HDAC4: variants seen among roughly 807,000 people sequenced by gnomAD.
HDAC4 encodes histone deacetylase 4.
HDAC4 carries 16 observed loss-of-function variants against 135.1 expected under a neutral mutation model. That is an observed-to-expected ratio of 0.12 (90% confidence interval 0.08 to 0.18). The LOEUF is 0.18. Ranked by LOEUF, HDAC4 falls within the 10% of genes least tolerant of loss-of-function variation. HDAC4 has a pLI of 1.00. For missense variants in HDAC4, 1,143 were observed against 1,511.8 expected, an observed-to-expected ratio of 0.76 and a Z score of 4.05; for synonymous variants, 685 against 653.4, an observed-to-expected ratio of 1.05 and a Z score of -0.74.
chr2:239,326,373 A>G (rs1285670819), intron 2 of HDAC4, among the ~76,000 whole-genome samples: 3 of 152,232 alleles, frequency 2.0e-5, no homozygotes, highest in Non-Finnish European at 2.9e-5. Context: ...GGAGGGAAAC[A>G]GGATTGTTTA....
rs146592532 is a variant in HDAC4, at chr2:239,116,746, C to T, written c.1534-1436G>A. On this transcript the variant is annotated intron_variant, in intron 12 of 26. Transcript: ENST00000543185. ...TGGCCATGTTGCCCCTGCAGCCTCCCTGCCACCCTGCTCCCGACCACGCCG... is the reference window on the plus strand; with the variant it reads ...TGGCCATGTTGCCCCTGCAGCCTCCTTGCCACCCTGCTCCCGACCACGCCG... Among the ~76,000 whole-genome samples the T allele has an allele frequency of 1.7e-3, 254 of 152,348 alleles. 1 individual carries two copies. Among genetic ancestry groups the T allele is most frequent in the African/African-American group, 6.0e-3 (249 of 41,590 alleles).
chr2:239,348,189 C>T (rs899467192), intron 2 of HDAC4, among the ~76,000 whole-genome samples: 20 of 150,154 alleles, frequency 1.3e-4, no homozygotes, highest in Admixed American at 1.3e-3. Context: ...GAGCACCATC[C>T]CGCTGACCAC....
At chr2:239,392,330 G>A (rs1696281440) in intron 1 of HDAC4, among the ~76,000 whole-genome samples, 1 of 152,402 alleles carries the variant, frequency 6.6e-6, no homozygotes, top group East Asian at 1.9e-4. Context: ...GGAGAGCCAA[G>A]GGGCGGATTC....
chr2:239,200,059 C>T (rs568945247), intron 3 of HDAC4, among the ~76,000 whole-genome samples: 1 of 152,328 alleles, frequency 6.6e-6, no homozygotes, highest in African/African-American at 2.4e-5. Flanking sequence ...CATTTCTTGA[C>T]CCCTGTGTGG....
rs551992023 is a variant in HDAC4 at position 239,176,214 on chromosome 2, G to A, written c.490+199C>T. 0.01 allele frequency among the ~76,000 whole-genome samples: 1,287 copies of A among 122,906 alleles called. 33 individuals carry two copies. The highest frequency in any genetic ancestry group is 0.04 in the African/African-American group (1,227 of 30,810). The allele number at this position is 122,906 out of a possible 152,430, so 80.6% of individuals were successfully genotyped here. A position where few individuals can be genotyped will look rare whatever the true frequency, so the allele number is the denominator to read the frequency against. ...TCCCTCCCTCTGCCCGGCCTTCTGC[G>A]CCCGCACTCCCTCCCTCTGCCCAGC... On this transcript the variant is annotated intron_variant, in intron 5 of 26. Coordinates refer to ENST00000543185, the MANE Select transcript of HDAC4 (RefSeq NM_001378414.1).
intron 3 of HDAC4, 30 bp downstream of exon 3, chr2:239,236,563 G>C: frequency 6.5e-7 from 1 of 1,539,102 alleles, no homozygotes; most frequent in African/African-American, 1.4e-5. Flanking sequence ...CGCAGGGCCG[G>C]CCGGACAGGG....
chr2:239,296,665 C>A (rs781571237), intron 2 of HDAC4, among the ~76,000 whole-genome samples: 2 of 152,024 alleles, frequency 1.3e-5, no homozygotes, highest in Non-Finnish European at 2.9e-5. Flanking sequence ...AATAACAAAC[C>A]GAGGCAGCAC....
chr2:239,284,144 G>A (rs546356286), intron 2 of HDAC4, among the ~76,000 whole-genome samples: 8 of 152,342 alleles, frequency 5.3e-5, no homozygotes, highest in South Asian at 4.1e-4. Flanking sequence ...ATCACAGGCC[G>A]CAGACACACT....
intron 5 of HDAC4, among the ~76,000 whole-genome samples, chr2:239,174,947 T>C (rs2043663089): frequency 6.6e-6 from 1 of 152,220 alleles, no homozygotes; most frequent in South Asian, 2.1e-4. Flanking sequence ...TAATCTTCCA[T>C]GTTAAACATC....
intron 9 of HDAC4, 92 bp from the exon 10 acceptor site, chr2:239,134,735 C>G: frequency 1.1e-6 from 1 of 909,414 alleles, no homozygotes; most frequent in East Asian, 2.4e-5. Flanking sequence ...AACACCTGCA[C>G]TGAATTCTGA....
At chr2:239,227,325 C>T (rs964240581) in intron 3 of HDAC4, among the ~76,000 whole-genome samples, 1 of 152,150 alleles carries the variant, frequency 6.6e-6, no homozygotes, top group Non-Finnish European at 1.5e-5. Flanking sequence ...GCCAGCTACA[C>T]GTGAGGTGTC....
chr2:239,271,272 C>T (rs1324076214), intron 2 of HDAC4, among the ~76,000 whole-genome samples: 2 of 152,076 alleles, frequency 1.3e-5, no homozygotes, highest in African/African-American at 4.8e-5. Flanking sequence ...TGCCACCATG[C>T]CTGGCTAATT....
intron 13 of HDAC4, among the ~76,000 whole-genome samples, chr2:239,114,090 C>G (rs1244223051): frequency 6.6e-6 from 1 of 152,198 alleles, no homozygotes; most frequent in South Asian, 2.1e-4. Flanking sequence ...CACACTGATT[C>G]ATTCAGTGGC....
At chr2:239,190,286 G>A (rs911887240) in intron 3 of HDAC4, among the ~76,000 whole-genome samples, 4 of 152,062 alleles carry the variant, frequency 2.6e-5, no homozygotes, top group African/African-American at 9.6e-5. Flanking sequence ...CATTCCTCAA[G>A]GGCAAAAACC....
intron 2 of HDAC4, among the ~76,000 whole-genome samples, chr2:239,272,395 A>G (rs946511386): frequency 6.6e-6 from 1 of 152,264 alleles, no homozygotes; most frequent in Non-Finnish European, 1.5e-5. Flanking sequence ...ATGGAAAAGA[A>G]TATTTGCAAA....
At position 239,352,999 on chromosome 2, in the gene HDAC4, T is replaced by C. The variant is rs1029989750; in HGVS notation, c.-219-81A>G. ...GGAAAACAACATCCAACTAGGGAAATGATGACTTCCTCTTTTTTTTTGGAG... is the reference window on the plus strand; with the variant it reads ...GGAAAACAACATCCAACTAGGGAAACGATGACTTCCTCTTTTTTTTTGGAG... On this transcript the variant is annotated intron_variant, in intron 1 of 26. Transcript: ENST00000543185. The surrounding 1 kb of genome is among the most constrained non-coding windows in gnomAD (Gnocchi z 4.4). 1.2e-4 allele frequency: 51 copies of C among 427,594 alleles called. No homozygotes were observed. The highest frequency in any genetic ancestry group is 9.6e-4 in the African/African-American group (48 of 49,936). The allele number at this position is 427,594 out of a possible 1,614,324, so 26.5% of individuals were successfully genotyped here.
rs374615882 is a variant in HDAC4 at position 239,189,845 on chromosome 2, G to A, written c.327C>T (p.His109=). ...QLSRQHEAQL[H]EHIKQQQEML... is the part of the protein sequence containing the mutation. Reference sequence around the variant, plus strand: ...CACCGCGCCTCACCTTGATGTGCTCGTGGAGCTGCGCCTCGTGCTGCCGGG... The same window carrying A: ...CACCGCGCCTCACCTTGATGTGCTCATGGAGCTGCGCCTCGTGCTGCCGGG... The change falls in exon 4 of 27, where the codon CAC becomes CAT. Residue 109 remains histidine (H), a synonymous_variant. Transcript: ENST00000543185. 2.3e-5 allele frequency: 37 copies of A among 1,607,346 alleles called. No homozygotes were observed. Among genetic ancestry groups the A allele is most frequent in the South Asian group, 1.3e-4 (12 of 90,914 alleles).
rs79918802 is a variant in HDAC4, at chr2:239,276,993, T to C, written c.23-40329A>G. Among the ~76,000 whole-genome samples, 12 of 152,268 alleles carry C rather than the reference T, an allele frequency of 7.9e-5. No homozygotes were observed. The East Asian group carries it at 1.9e-3, about 25-fold the overall frequency. Reference sequence around the variant, plus strand: ...GTCAGCTGTGGAGCCTCCCCTGCTCTGTGCAGCCCCTTTCCACTGCCGCGC... The same window carrying C: ...GTCAGCTGTGGAGCCTCCCCTGCTCCGTGCAGCCCCTTTCCACTGCCGCGC... On this transcript the variant is annotated intron_variant, in intron 2 of 26. Transcript: ENST00000543185.
intron 3 of HDAC4, among the ~76,000 whole-genome samples, chr2:239,194,862 G>A (rs1034049614): frequency 1.3e-5 from 2 of 152,214 alleles, no homozygotes; most frequent in Non-Finnish European, 2.9e-5. Flanking sequence ...GCAGTTTAGC[G>A]CATGCTGGAA....
Sources: allele counts gnomAD v4.1 joint callset (sites outside exome capture counted in the v4.1 genomes callset), GRCh38; gene constraint gnomAD v4.1.1; non-coding constraint Gnocchi (gnomAD v3.1); transcripts MANE v1.5; gene names NCBI Gene and HGNC (gene_info 2026-07-23, HGNC 2026-07-21).